Variants in NPAT observed in about 807,000 individuals in gnomAD.
NPAT encodes the protein nuclear protein, coactivator of histone transcription, also known as protein NPAT.
In NPAT, 52 loss-of-function variants were observed where a neutral mutation model predicts 130.7. That is an observed-to-expected ratio of 0.40 (90% CI 0.32 to 0.50). NPAT has a LOEUF of 0.50. Ranked by LOEUF, NPAT falls within the 20% of genes least tolerant of loss-of-function variation. The pLI is 0.68. For synonymous variants in NPAT, 580 were observed against 584.8 expected (o/e 0.99, Z 0.12); for missense variants, 1,687 against 1,662.6 (o/e 1.01, Z -0.26).
chr11:108,169,426 T>C (rs1306945429), intron 15 of NPAT, among the ~76,000 whole-genome samples: 9 of 152,178 alleles, frequency 5.9e-5, no homozygotes, highest in Non-Finnish European at 1.3e-4. Context: ...TAAAGTCTCA[T>C]ACAATTATAC....
rs75150151 is a variant in NPAT, at chr11:108,158,257, T to G, written c.*685A>C. On this transcript the variant is annotated 3_prime_UTR_variant, in exon 18 of 18. Transcript: ENST00000278612. ...AAAATCTTAAGTTATAAATGAAAGA[T>G]CAGAACATTCAATAAATGGTTTACA... 4,764 of 152,440 alleles carry G rather than the reference T, an allele frequency of 0.031. 126 individuals are homozygous for G. Among genetic ancestry groups the G allele is most frequent in the Non-Finnish European group, 0.051 (3,472 of 67,882 alleles). 9.4% of individuals were successfully genotyped at this position (152,440 alleles called of 1,614,324 possible). A position where few individuals can be genotyped will look rare whatever the true frequency, so the allele number is the denominator to read the frequency against.
chr11:108,198,041 G>A (rs1336121748), intron 1 of NPAT, among the ~76,000 whole-genome samples: 2 of 152,138 alleles, frequency 1.3e-5, no homozygotes, highest in Non-Finnish European at 2.9e-5. Context: ...ATGCCCCAAA[G>A]CACACACAGA....
Position 108,193,001 on chromosome 11 carries a change from T to C in NPAT, c.218-811A>G, listed in dbSNP as rs528573512. Among the ~76,000 whole-genome samples, 17 of 152,076 alleles carry C rather than the reference T, an allele frequency of 1.1e-4. No homozygotes were observed. The South Asian group carries it at 3.1e-3, about 28-fold the overall frequency. On this transcript the variant is annotated intron_variant, in intron 3 of 17. Coordinates refer to ENST00000278612, the MANE Select transcript of NPAT (RefSeq NM_002519.3). Reference sequence around the variant, plus strand: ...AAGACTAAATGAGAAAAAAAACATATGAAAGCACGTAGCACAATGCTTATA... The same window carrying C: ...AAGACTAAATGAGAAAAAAAACATACGAAAGCACGTAGCACAATGCTTATA...
intron 1 of NPAT, among the ~76,000 whole-genome samples, chr11:108,213,304 T>C (rs1348964796): frequency 1.3e-5 from 2 of 152,050 alleles, no homozygotes; most frequent in South Asian, 2.1e-4. Flanking sequence ...CAAAAACTAT[T>C]AGAGCTAATA....
intron 5 of NPAT, among the ~76,000 whole-genome samples, chr11:108,189,857 G>A (rs2078148543): frequency 7.1e-6 from 1 of 141,052 alleles, no homozygotes; most frequent in South Asian, 2.2e-4. Flanking sequence ...GCGACAGAGC[G>A]AGACTCCGTC....
At chr11:108,175,710 C>T (rs1396155683) in intron 12 of NPAT, among the ~76,000 whole-genome samples, 1 of 152,174 alleles carries the variant, frequency 6.6e-6, no homozygotes, top group Non-Finnish European at 1.5e-5. Flanking sequence ...TGAATGAACA[C>T]TGGAAGCCAT....
Position 108,173,386 on chromosome 11 carries a change from A to G in NPAT, c.1598T>C (p.Leu533Pro), listed in dbSNP as rs1422919097. 2.5e-6 allele frequency: 4 copies of G among 1,613,908 alleles called. No individual in the cohort carries two copies. The African/African-American group carries it at 5.3e-5, about 22-fold the overall frequency. Residue 533 changes from leucine (L) to proline (P), a missense_variant, in exon 13 of 18, where the codon CTT (leucine) becomes CCT (proline). Transcript: ENST00000278612. ...AGTTAATGAAGTATCTTGGGATAAA[A>G]GTTGAGAACTCTTCCCAGAGAGAAT... ...NLILSGKSSQ[L>P]LSQDTSLTGK...
intron 2 of NPAT, 46 bp from the exon 3 acceptor site, chr11:108,194,063 C>A: frequency 2.1e-6 from 2 of 973,740 alleles, no homozygotes; most frequent in Non-Finnish European, 3.3e-6. Flanking sequence ...ATAATACTAC[C>A]AATAATTTCT....
chr11:108,172,115 T>A, intron 13 of NPAT, 84 bp downstream of exon 13: 1 of 1,142,108 alleles, frequency 8.8e-7, no homozygotes, highest in Non-Finnish European at 1.3e-6. Context: ...CATTAGTTAT[T>A]ACTTCGCAGT....
intron 15 of NPAT, among the ~76,000 whole-genome samples, chr11:108,162,974 T>C (rs1452690713): frequency 1.3e-5 from 2 of 152,196 alleles, no homozygotes; most frequent in Non-Finnish European, 2.9e-5. Flanking sequence ...AGCAGCAAGA[T>C]ATCAAAACTA....
In NPAT at chr11:108,173,107, C is replaced by A. The variant is rs377284299; in HGVS notation, c.1877G>T (p.Gly626Val). The A allele has an allele frequency of 1.9e-6, 3 of 1,613,914 alleles. No homozygotes were observed. In the African/African-American group the frequency reaches 4.0e-5, roughly 22 times the overall value. ...NVSGQVEIHLGDSLSSTKQPS... is the reference protein window; with the variant it reads ...NVSGQVEIHLVDSLSSTKQPS... ...TTGTTTAGTAGAAGACAGCGAATCTCCAAGATGAATTTCTACTTGTCCAGA... is the reference window on the plus strand; with the variant it reads ...TTGTTTAGTAGAAGACAGCGAATCTACAAGATGAATTTCTACTTGTCCAGA... The change falls in exon 13 of 18, where the codon GGA becomes GTA. Residue 626 changes from glycine (G) to valine (V), a missense_variant. Around this residue, in one of 3 missense-constraint regions of NPAT, gnomAD observed 1,379 missense variants for 1,346.6 expected, o/e 1.02. Coordinates refer to ENST00000278612, the MANE Select transcript of NPAT (RefSeq NM_002519.3).
intron 1 of NPAT, among the ~76,000 whole-genome samples, chr11:108,213,830 T>A (rs1324582332): frequency 6.6e-6 from 1 of 152,112 alleles, no homozygotes; most frequent in Admixed American, 6.5e-5. Flanking sequence ...AAATAAAAAA[T>A]CCAGACCTTT....
At chr11:108,212,783 A>C (rs964372272) in intron 1 of NPAT, among the ~76,000 whole-genome samples, 3 of 151,152 alleles carry the variant, frequency 2.0e-5, no homozygotes, top group African/African-American at 7.3e-5. Flanking sequence ...CGTCTCTACT[A>C]AAAATACAAA....
intron 17 of NPAT, among the ~76,000 whole-genome samples, chr11:108,160,648 C>A (rs1376558328): frequency 2.0e-5 from 3 of 152,188 alleles, no homozygotes; most frequent in African/African-American, 7.2e-5. Context: ...ACACCTTGTG[C>A]GTACTACACT....
rs2077960156 is a variant in NPAT, at chr11:108,172,393, T to C, written c.2591A>G (p.Asn864Ser). ...PATSTAFGNSNNILIATCVTD... is the reference protein window; with the variant it reads ...PATSTAFGNSSNILIATCVTD... ...CACACAGGTAGCTATCAGAATGTTA[T>C]TTGAATTGCCAAAAGCTGTGCTTGT... is the stretch of plus-strand genomic sequence containing the variant. The change falls in exon 13 of 18, where the codon AAT becomes AGT. Residue 864 changes from asparagine (N) to serine (S), a missense_variant. Asn to Ser is a conservative substitution (Grantham distance 46). Coordinates refer to ENST00000278612, the MANE Select transcript of NPAT (RefSeq NM_002519.3). 6.2e-7 allele frequency: 1 copy of C among 1,614,130 alleles called. No individual in the cohort carries two copies. The highest frequency in any genetic ancestry group is 1.1e-5 in the South Asian group (1 of 91,094).
chr11:108,195,431 G>A (rs2078210410), intron 2 of NPAT, among the ~76,000 whole-genome samples: 1 of 152,084 alleles, frequency 6.6e-6, no homozygotes, highest in South Asian at 2.1e-4. Context: ...GTATTAATTT[G>A]CATTTTCTTA....
At chr11:108,174,545 G>T (rs560848421) in intron 12 of NPAT, among the ~76,000 whole-genome samples, 1 of 143,986 alleles carries the variant, frequency 6.9e-6, no homozygotes, top group African/African-American at 2.6e-5. Context: ...TATAAAGGAG[G>T]CACTGTATGA....
intron 12 of NPAT, among the ~76,000 whole-genome samples, chr11:108,174,784 A>G (rs1444763439): frequency 6.6e-6 from 1 of 151,798 alleles, no homozygotes; most frequent in Non-Finnish European, 1.5e-5. Flanking sequence ...ACACCTGGCT[A>G]GCTTTTGTAT....
intron 5 of NPAT, 58 bp downstream of exon 5, chr11:108,190,402 T>C (rs2078157823): frequency 7.8e-7 from 1 of 1,283,938 alleles, no homozygotes; most frequent in African/African-American, 1.5e-5. Flanking sequence ...ATTAAAATGT[T>C]CATCTGATAG....
Sources: gnomAD v4.1 joint callset for allele counts (sites outside exome capture counted in the v4.1 genomes callset) on GRCh38, gnomAD v4.1.1 for gene constraint, gnomAD v4.1.1 regional missense constraint, MANE v1.5 for transcripts, NCBI Gene and HGNC (gene_info 2026-07-23, HGNC 2026-07-21) for gene names.